Variants in CASP10 observed in about 807,000 individuals in gnomAD.
The protein encoded by CASP10 is caspase-10.
CASP10 carries 41 observed loss-of-function variants against 48.5 expected under a neutral mutation model. The ratio of observed to expected loss-of-function variants is 0.85; its 90% confidence interval spans 0.66 to 1.10. CASP10 has a LOEUF of 1.10. CASP10 is among the 50% of genes least tolerant of loss of function. The pLI is 0.00. For missense variants in CASP10, 614 were observed against 614.5 expected (o/e 1.00, Z 0.01); for synonymous variants, 232 against 238.4 (o/e 0.97, Z 0.25).
chr2:201,228,753 T>A (rs1240362315), intron 9 of CASP10, among the ~76,000 whole-genome samples: 1 of 152,166 alleles, frequency 6.6e-6, no homozygotes, highest in African/African-American at 2.4e-5. Flanking sequence ...TCTTGAAGAT[T>A]GTAAACAAAT....
At chr2:201,191,981 G>A (rs1306491122) in intron 3 of CASP10, among the ~76,000 whole-genome samples, 2 of 152,230 alleles carry the variant, frequency 1.3e-5, no homozygotes, top group South Asian at 2.1e-4. Context: ...AAGTATGTGC[G>A]TGTGTATGTG....
At chr2:201,201,926 C>T (rs1945033499) in intron 5 of CASP10, among the ~76,000 whole-genome samples, 1 of 152,144 alleles carries the variant, frequency 6.6e-6, no homozygotes, top group African/African-American at 2.4e-5. Context: ...TCTCAGCCCC[C>T]TGCAACTTCA....
intron 5 of CASP10, 112 bp from the exon 6 acceptor site, chr2:201,203,618 T>C (rs1388815296): frequency 1.0e-6 from 1 of 1,000,458 alleles, no homozygotes; most frequent in African/African-American, 1.6e-5. Context: ...AATGACCTTT[T>C]CTGTGGCTGT....
rs143632134 is a variant in CASP10, at chr2:201,217,709, T to C, written c.1537T>C (p.Phe513Leu). ...TTTCACACTAAGGAAAAAACTAGTA[T>C]TCCCTGTGCCCCTGGATGCACTTTC... The part of the protein sequence containing the change: ...PAFTLRKKLV[F>L]PVPLDALSL Residue 513 changes from phenylalanine to leucine, a missense_variant, in exon 10 of 10, where the codon TTC becomes CTC. Physicochemically the swap from Phe to Leu is conservative, Grantham distance 22. Transcript: ENST00000286186. 217 of 1,613,934 alleles carry C rather than the reference T, an allele frequency of 1.3e-4. No homozygotes were observed. The highest frequency in any genetic ancestry group is 1.7e-4 in the Non-Finnish European group (198 of 1,179,962).
Position 201,220,941 on chromosome 2 carries a change from C to A in CASP10, c.*3200C>A, listed in dbSNP as rs1448865928. 5.1e-6 allele frequency: 5 copies of A among 985,346 alleles called. No individual in the cohort carries two copies. The highest frequency in any genetic ancestry group is 6.0e-6 in the Non-Finnish European group (5 of 829,954). 61.0% of individuals were successfully genotyped at this position (985,346 alleles called of 1,614,324 possible). The stretch of plus-strand genomic sequence containing the variant: ...TGATTCCTTTGCTCAGAGACACTAA[C>A]TAAATCAAGCTAGCTTTTTTCAGCC... On this transcript the variant is annotated 3_prime_UTR_variant, in exon 10 of 10. Coordinates refer to ENST00000286186, the MANE Select transcript of CASP10 (RefSeq NM_032977.4).
chr2:201,187,443 T>A lies in CASP10; in HGVS notation c.348-263T>A, dbSNP rs560251251. 2.6e-4 allele frequency among the ~76,000 whole-genome samples: 40 copies of A among 152,182 alleles called. 1 individual carries two copies. Among genetic ancestry groups the A allele is most frequent in the African/African-American group, 9.4e-4 (39 of 41,516 alleles). On this transcript the variant is annotated intron_variant, in intron 2 of 9. Transcript: ENST00000286186. The stretch of plus-strand genomic sequence containing the variant: ...TGTTTTATGCCTTTTTTTTTTTAAA[T>A]ATGCCTTCTTAGTGTGGTGAAAAAC...
intron 3 of CASP10, among the ~76,000 whole-genome samples, chr2:201,192,761 T>C (rs1944654493): frequency 6.6e-6 from 1 of 152,224 alleles, no homozygotes. Context: ...CTGTCCCTGT[T>C]GCATAGAGTT....
intron 9 of CASP10, among the ~76,000 whole-genome samples, chr2:201,210,300 C>G (rs1200509155): frequency 6.6e-6 from 1 of 152,200 alleles, no homozygotes; most frequent in Non-Finnish European, 1.5e-5. Flanking sequence ...AAGTTGCCAT[C>G]TCTGGCCCAC....
intron 9 of CASP10, 135 bp downstream of exon 9, chr2:201,209,697 AC>A: frequency 1.2e-6 from 1 of 850,656 alleles, no homozygotes; most frequent in Non-Finnish European, 1.8e-6. Flanking sequence ...CCATCTGCCT[AC>A]CCTCCTGTTT....
chr2:201,208,173 T>A lies in CASP10; in HGVS notation c.912T>A (p.His304Gln). The change falls in exon 8 of 10, where the codon CAT (histidine) becomes CAA (glutamine). Residue 304 changes from histidine (H) to glutamine (Q), a missense_variant. Transcript: ENST00000286186. ...CCCTGAAGGACAGACAAGGAACCCA[T>A]AAAGATGCTGGTAAGAAAGTCTGGA... ...FTSLKDRQGT[H>Q]KDAEILSHVF... The A allele has an allele frequency of 6.2e-7, 1 of 1,612,728 alleles. No individual in the cohort carries two copies. The highest frequency in any genetic ancestry group is 8.5e-7 in the Non-Finnish European group (1 of 1,179,478).
chr2:201,203,712 T>G lies in CASP10; in HGVS notation c.685-18T>G. ...TGTGAAATTCCTATGTTTCATGCCC[T>G]CCTTTCTTTTTTCTCAGCAGGAGTC... On this transcript the variant is annotated intron_variant, in intron 5 of 9. Coordinates refer to ENST00000286186, the MANE Select transcript of CASP10 (RefSeq NM_032977.4). The G allele has an allele frequency of 6.2e-7, 1 of 1,611,438 alleles. No homozygotes were observed. Among genetic ancestry groups the G allele is most frequent in the Non-Finnish European group, 8.5e-7 (1 of 1,177,582 alleles).
In CASP10 at chr2:201,209,283, C is replaced by T; in HGVS notation, c.1136C>T (p.Ser379Phe). ...EALIPIREIM[S>F]HFTALQCPRL... ...CTCATTCCCATTCGGGAGATCATGT[C>T]TCACTTCACAGCCCTGCAGTGCCCT... Residue 379 changes from serine to phenylalanine, a missense_variant, in exon 9 of 10, where the codon TCT becomes TTT. Transcript: ENST00000286186. The T allele has an allele frequency of 6.2e-7, 1 of 1,614,166 alleles. No individual in the cohort carries two copies. The highest frequency in any genetic ancestry group is 8.5e-7 in the Non-Finnish European group (1 of 1,180,030).
At chr2:201,227,343 T>G (rs1257866584) in intron 9 of CASP10, among the ~76,000 whole-genome samples, 1 of 152,182 alleles carries the variant, frequency 6.6e-6, no homozygotes, top group African/African-American at 2.4e-5. Flanking sequence ...TGTCTGTTTT[T>G]GGTGGTGATT....
chr2:201,193,156 T>C (rs1576081793), intron 4 of CASP10, 37 bp downstream of exon 4: 1 of 1,605,818 alleles, frequency 6.2e-7, no homozygotes, highest in Non-Finnish European at 8.5e-7. Context: ...GACCAGACCA[T>C]GGAAATTCTT....
At chr2:201,226,892 T>C (rs1448081089) in intron 9 of CASP10, among the ~76,000 whole-genome samples, 1 of 152,198 alleles carries the variant, frequency 6.6e-6, no homozygotes, top group African/African-American at 2.4e-5. Context: ...ACAGTTTAAA[T>C]ATATGTATCA....
At chr2:201,194,775 G>GT (rs917587896) in intron 4 of CASP10, among the ~76,000 whole-genome samples, 3 of 151,830 alleles carry the variant, frequency 2.0e-5, no homozygotes, top group Non-Finnish European at 2.9e-5. Context: ...ACTGAGCTTT[G>GT]TTTTTTTTAT....
chr2:201,205,706 A>G (rs79910454), intron 6 of CASP10, among the ~76,000 whole-genome samples, 176 bp from the exon 7 acceptor site: 1 of 152,202 alleles, frequency 6.6e-6, no homozygotes, highest in Admixed American at 6.5e-5. Context: ...CAGACAAAGC[A>G]AAAAAGAATG....
chr2:201,229,141 C>T lies in CASP10; in HGVS notation c.*58C>T, dbSNP rs188527006. On this transcript the variant is annotated 3_prime_UTR_variant, in exon 10 of 10. Coordinates refer to the CASP10 transcript ENST00000272879. ...CAGCCACATCGCCTGAGATTGACAA[C>T]GCCCTACAGCAAGACGGAAACCTCC... The T allele has an allele frequency of 5.3e-4, 847 of 1,607,530 alleles. 5 individuals carry two copies. In the African/African-American group the frequency reaches 8.6e-3, roughly 16 times the overall value.
At chr2:201,227,450 A>G (rs1945802642) in intron 9 of CASP10, among the ~76,000 whole-genome samples, 1 of 152,192 alleles carries the variant, frequency 6.6e-6, no homozygotes. Context: ...TTGCAAAATA[A>G]TGATCTGGAT....
Sources: allele counts gnomAD v4.1 joint callset (sites outside exome capture counted in the v4.1 genomes callset), GRCh38; gene constraint gnomAD v4.1.1; transcripts MANE v1.5; gene names NCBI Gene and HGNC (gene_info 2026-07-23, HGNC 2026-07-21).